CHD6: variants seen among roughly 807,000 people sequenced by gnomAD.
The protein encoded by CHD6 is chromodomain helicase DNA binding protein 6.
A neutral mutation model predicts 276.9 loss-of-function variants in CHD6; 50 were observed. The ratio of observed to expected loss-of-function variants is 0.18; its 90% CI spans 0.14 to 0.23. The LOEUF is 0.23. Among genes scored for constraint, CHD6 ranks in the 10% least tolerant of loss-of-function variants. The probability of loss-of-function intolerance (pLI) is 1.00; values close to 1 mark genes in which losing one functional copy is unlikely to be tolerated. For synonymous variants in CHD6, 1,173 were observed against 1,229.3 expected (o/e 0.95, Z 0.96); for missense variants, 2,564 against 3,365.8 (o/e 0.76, Z 5.89).
At chr20:41,466,107 CAGG>C (rs1429775907) in intron 17 of CHD6, among the ~76,000 whole-genome samples, 1 of 152,154 alleles carries the variant, frequency 6.6e-6, no homozygotes, top group South Asian at 2.1e-4. Context: ...GAGGCTGAGG[CAGG>C]AGAATTGCTT....
Position 41,420,516 on chromosome 20 carries a change from T to C in CHD6, c.6119A>G (p.His2040Arg). Residue 2040 changes from histidine to arginine, a missense_variant, in exon 31 of 37, where the codon CAT becomes CGT. Around this residue, in one of 7 missense-constraint regions of CHD6, gnomAD observed 1,024 missense variants for 1,047.9 expected, o/e 0.98. Transcript: ENST00000373233. ...KDDYDRDGNC[H>R]SQDYPGKYSE... ...GATCCTACATACTGTACCTTGACTATGGCAGTTTCCGTCTCTATCATAATC... is the reference window on the plus strand; with the variant it reads ...GATCCTACATACTGTACCTTGACTACGGCAGTTTCCGTCTCTATCATAATC... 1.9e-6 allele frequency: 3 copies of C among 1,609,618 alleles called. No individual in the cohort carries two copies. The highest frequency in any genetic ancestry group is 2.5e-6 in the Non-Finnish European group (3 of 1,178,976).
chr20:41,565,284 C>T (rs182279127), intron 1 of CHD6, among the ~76,000 whole-genome samples: 16 of 152,100 alleles, frequency 1.1e-4, no homozygotes, highest in Non-Finnish European at 2.4e-4. Flanking sequence ...TTAATAGAGA[C>T]GGGTTTTCAT....
chr20:41,483,612 T>G, intron 15 of CHD6, 93 bp from the exon 16 acceptor site: 1 of 931,420 alleles, frequency 1.1e-6, no homozygotes, highest in Non-Finnish European at 1.6e-6. Context: ...ATGAAGTGAA[T>G]TCTTAGGTCC....
chr20:41,418,168 A>G (rs2047064890), intron 31 of CHD6, among the ~76,000 whole-genome samples: 1 of 152,242 alleles, frequency 6.6e-6, no homozygotes, highest in South Asian at 2.1e-4. Flanking sequence ...TAGACTCAGG[A>G]TAAGCCAGAC....
At chr20:41,426,254 T>A in intron 27 of CHD6, 101 bp from the exon 28 acceptor site, 2 of 835,502 alleles carry the variant, frequency 2.4e-6, no homozygotes, top group Non-Finnish European at 4.2e-6. Flanking sequence ...GCATAAGAGC[T>A]GTCCCCTGCC....
chr20:41,513,041 C>G (rs779861721), intron 4 of CHD6, 46 bp from the exon 5 acceptor site: 1 of 1,606,966 alleles, frequency 6.2e-7, no homozygotes, highest in Non-Finnish European at 8.5e-7. Flanking sequence ...GAGTGAAAGA[C>G]AACAGCCTAC....
intron 2 of CHD6, among the ~76,000 whole-genome samples, chr20:41,549,633 T>TA (rs1333898170): frequency 6.6e-6 from 1 of 150,502 alleles, no homozygotes; most frequent in Non-Finnish European, 1.5e-5. Flanking sequence ...CCCTAAAACT[T>TA]AAAGTATAAT....
chr20:41,411,999 C>T lies in CHD6; in HGVS notation c.7251+145G>A. The T allele has an allele frequency of 2.5e-6, 3 of 1,184,008 alleles. No individual in the cohort carries two copies. The South Asian group carries it at 4.8e-5, about 19-fold the overall frequency. 73.3% of individuals were successfully genotyped at this position (1,184,008 alleles called of 1,614,324 possible). On this transcript the variant is annotated intron_variant, in intron 36 of 36. Coordinates refer to ENST00000373233, the MANE Select transcript of CHD6 (RefSeq NM_032221.5). Reference sequence around the variant, plus strand: ...CACAGCACCATTTCTTGCTGCTAATCAACTTCCTGTGCTGGCTTCTAGTCC... The same window carrying T: ...CACAGCACCATTTCTTGCTGCTAATTAACTTCCTGTGCTGGCTTCTAGTCC...
intron 3 of CHD6, among the ~76,000 whole-genome samples, chr20:41,523,650 G>GTT (rs200892102): frequency 2.1e-5 from 3 of 141,190 alleles, no homozygotes; most frequent in South Asian, 2.2e-4. Flanking sequence ...TTTGTTTTTT[G>GTT]TTTTTTTTTT....
chr20:41,452,304 T>C lies in CHD6; in HGVS notation c.3324-279A>G, dbSNP rs577447978. 6.6e-6 allele frequency among the ~76,000 whole-genome samples: 1 copy of C among 152,196 alleles called. No individual in the cohort carries two copies. Among genetic ancestry groups the C allele is most frequent in the Non-Finnish European group, 1.5e-5 (1 of 68,036 alleles). On this transcript the variant is annotated intron_variant, in intron 21 of 36. Transcript: ENST00000373233. The surrounding 1 kb of genome is among the most constrained non-coding windows in gnomAD (Gnocchi z 4.2). ...AAACTACTGGGAGCAGGGAATAAAT[T>C]TGGAATCAAAAAGAGTCCAACAGCA... is the stretch of plus-strand genomic sequence containing the variant.
At chr20:41,584,293 C>T (rs2045570344) in intron 1 of CHD6, among the ~76,000 whole-genome samples, 1 of 152,090 alleles carries the variant, frequency 6.6e-6, no homozygotes, top group Non-Finnish European at 1.5e-5. Flanking sequence ...ATATAACGAT[C>T]CTTAATATGT....
At chr20:41,407,274 C>A (rs890093689) in intron 36 of CHD6, among the ~76,000 whole-genome samples, 3 of 152,138 alleles carry the variant, frequency 2.0e-5, no homozygotes, top group Admixed American at 6.5e-5. Context: ...GAGGCTCCAC[C>A]AGCCCACAGC....
intron 1 of CHD6, among the ~76,000 whole-genome samples, chr20:41,571,661 A>G (rs543476234): frequency 2.6e-5 from 4 of 152,102 alleles, no homozygotes; most frequent in African/African-American, 9.6e-5. Context: ...ATCTATTTTT[A>G]GACATTAAGT....
At chr20:41,617,736 G>C (rs548867610) in intron 1 of CHD6, among the ~76,000 whole-genome samples, 54 of 152,198 alleles carry the variant, frequency 3.5e-4, no homozygotes, top group African/African-American at 9.6e-4. Context: ...TGCGTAAGAA[G>C]GGGGCGGAGG....
intron 2 of CHD6, among the ~76,000 whole-genome samples, chr20:41,549,462 G>A (rs937797451): frequency 7.7e-6 from 1 of 130,550 alleles, no homozygotes; most frequent in African/African-American, 3.0e-5. Context: ...ATGGACACAG[G>A]AAGGGGAACA....
chr20:41,472,133 C>A (rs975551200), intron 17 of CHD6, among the ~76,000 whole-genome samples: 1 of 151,840 alleles, frequency 6.6e-6, no homozygotes, highest in Non-Finnish European at 1.5e-5. Flanking sequence ...ACGCAGGAGG[C>A]TGAGGCAAGA....
chr20:41,408,098 A>T (rs1214501644), intron 36 of CHD6, among the ~76,000 whole-genome samples: 2 of 152,164 alleles, frequency 1.3e-5, no homozygotes, highest in African/African-American at 4.8e-5. Flanking sequence ...CCAGTTCATC[A>T]TAGACAAAAA....
intron 17 of CHD6, among the ~76,000 whole-genome samples, chr20:41,471,377 G>A (rs1239788666): frequency 6.6e-6 from 1 of 152,230 alleles, no homozygotes; most frequent in East Asian, 1.9e-4. Flanking sequence ...CTTTAAAAAT[G>A]GGTTATTCAT....
rs1206818000 is a variant in CHD6, at chr20:41,487,788, A to G, written c.1878T>C (p.Thr626=). 5 of 1,610,590 alleles carry G rather than the reference A, an allele frequency of 3.1e-6. No homozygotes were observed. The highest frequency in any genetic ancestry group is 4.2e-6 in the Non-Finnish European group (5 of 1,179,150). ...LMALEHKVLL[T]GTPLQNSVEE... ...CCACAGAGTTCTGCAAGGGTGTTCC[A>G]GTGAGAAGCACTTTATGTTCCTGCG... is the stretch of plus-strand genomic sequence containing the variant. The change falls in exon 14 of 37, where the codon ACT becomes ACC. Residue 626 remains threonine, a synonymous_variant. Coordinates refer to ENST00000373233, the MANE Select transcript of CHD6 (RefSeq NM_032221.5).
Sources: gnomAD v4.1 joint callset for allele counts (sites outside exome capture counted in the v4.1 genomes callset) on GRCh38, gnomAD v4.1.1 for gene constraint, gnomAD v4.1.1 regional missense constraint, Gnocchi (gnomAD v3.1) non-coding constraint, MANE v1.5 for transcripts, NCBI Gene and HGNC (gene_info 2026-07-23, HGNC 2026-07-21) for gene names.